Variants in PLEKHH1 observed in about 807,000 individuals in gnomAD.
The protein encoded by PLEKHH1 is pleckstrin homology, MyTH4 and FERM domain containing H1, also known as pleckstrin homology domain-containing family H member 1.
Under a neutral mutation model 160.0 loss-of-function variants are expected in PLEKHH1, and 104 were observed. The observed-to-expected ratio is 0.65, with a 90% CI of 0.55 to 0.76. PLEKHH1 has a LOEUF of 0.76. PLEKHH1 is among the 30% of genes least tolerant of loss of function. The probability of loss-of-function intolerance (pLI) is 0.00; values close to 1 mark genes in which losing one functional copy is unlikely to be tolerated. For missense variants in PLEKHH1, 1,427 were observed against 1,724.1 expected, an observed-to-expected ratio of 0.83 and a Z score of 3.05; for synonymous variants, 619 against 678.4, an observed-to-expected ratio of 0.91 and a Z score of 1.36.
Position 67,575,468 on chromosome 14 carries a change from AC to A in PLEKHH1, c.2166del (p.Asp722GlufsTer15). The A allele has an allele frequency of 6.3e-7, 1 of 1,595,566 alleles. No individual in the cohort carries two copies. Among genetic ancestry groups the A allele is most frequent in the East Asian group, 2.2e-5 (1 of 44,588 alleles). On this transcript the variant is annotated frameshift_variant, in exon 15 of 29. Transcript: ENST00000329153. LOFTEE classifies it high-confidence loss of function. ...TTCTACTACTATCGGAGCCATGAGG[AC>A]AAGGTACTTCTCAGCCTCCTCACAA... is the stretch of plus-strand genomic sequence containing the variant. ...KIFYYYRSHEDKRPLGCLPVR... is the reference protein window; with the variant it reads ...KIFYYYRSHEXKRPLGCLPVR...
Position 67,562,518 on chromosome 14 carries a change from G to A in PLEKHH1, c.887G>A (p.Gly296Glu). The change falls in exon 7 of 29, where the codon GGG becomes GAG. Residue 296 changes from glycine to glutamate, a missense_variant. Physicochemically the swap from Gly to Glu is moderately conservative, Grantham distance 98. Coordinates refer to ENST00000329153, the MANE Select transcript of PLEKHH1 (RefSeq NM_020715.3). ...ACTGCTCAGAGAGGGATGCTCCCTGGGACAAAGACCTCTGCCAGGGAAGGT... is the reference window on the plus strand; with the variant it reads ...ACTGCTCAGAGAGGGATGCTCCCTGAGACAAAGACCTCTGCCAGGGAAGGT... Reference protein sequence around the residue: ...LVTAQRGMLPGTKTSAREGGP... With the variant: ...LVTAQRGMLPETKTSAREGGP... 1 of 1,610,680 alleles carries A rather than the reference G, an allele frequency of 6.2e-7. No individual in the cohort carries two copies. The highest frequency in any genetic ancestry group is 8.5e-7 in the Non-Finnish European group (1 of 1,177,252).
chr14:67,555,252 C>T (rs796245548), intron 2 of PLEKHH1, among the ~76,000 whole-genome samples: 30 of 152,312 alleles, frequency 2.0e-4, no homozygotes, highest in African/African-American at 7.2e-4. Context: ...TATCTTGAGC[C>T]TCTCTTTCTC....
At chr14:67,577,587 G>C (rs2035679090) in intron 18 of PLEKHH1, among the ~76,000 whole-genome samples, 173 bp downstream of exon 18, 1 of 152,190 alleles carries the variant, frequency 6.6e-6, no homozygotes, top group East Asian at 1.9e-4. Context: ...CACTGGGAGG[G>C]AAGCAGCTCT....
chr14:67,551,916 A>T (rs1425345743), intron 2 of PLEKHH1, among the ~76,000 whole-genome samples: 1 of 152,056 alleles, frequency 6.6e-6, no homozygotes, highest in East Asian at 1.9e-4. Flanking sequence ...CAAAGGGATC[A>T]TTGAGACCCG....
At position 67,589,226 on chromosome 14, in the gene PLEKHH1, C is replaced by G; in HGVS notation, c.*1991C>G. The stretch of plus-strand genomic sequence containing the variant: ...CACTGAATTTGGGGTCAATCTATTT[C>G]CCCCACCCTCTCTCCTCCCCAACCC... On this transcript the variant is annotated 3_prime_UTR_variant, in exon 29 of 29. Transcript: ENST00000329153. 2.4e-6 allele frequency: 1 copy of G among 412,100 alleles called. No homozygotes were observed. The allele number at this position is 412,100 out of a possible 1,614,324, so 25.5% of individuals were successfully genotyped here.
At chr14:67,562,977 A>G in intron 7 of PLEKHH1, 83 bp downstream of exon 7, 1 of 1,395,974 alleles carries the variant, frequency 7.2e-7, no homozygotes, top group Admixed American at 2.4e-5. Context: ...TGCACTGAGC[A>G]GGAGAGGAGG....
rs10635755 is a variant in PLEKHH1 at position 67,579,123 on chromosome 14, C to CTTCT, written c.2850-11_2850-10insTTCT. The CTTCT allele has an allele frequency of 0.8, 1,270,627 of 1,588,830 alleles. 510,725 individuals carry two copies. Among genetic ancestry groups the CTTCT allele is most frequent in the Admixed American group, 0.85 (49,800 of 58,364 alleles). ...CAGAGCCCATAATACTCCCCTCTTC[C>CTTCT]GTCTTTTTAGAAGTGAAACTGGCCA... is the stretch of plus-strand genomic sequence containing the variant. On this transcript the variant is annotated splice_polypyrimidine_tract_variant and intron_variant, in intron 20 of 28. Transcript: ENST00000329153.
chr14:67,572,007 C>T, intron 10 of PLEKHH1, 105 bp downstream of exon 10: 1 of 1,480,224 alleles, frequency 6.8e-7, no homozygotes. Context: ...AGCTCGTGAC[C>T]CCCCAGCAGC....
chr14:67,564,497 G>A (rs905467749), intron 7 of PLEKHH1, among the ~76,000 whole-genome samples: 5 of 151,908 alleles, frequency 3.3e-5, no homozygotes, highest in African/African-American at 1.2e-4. Context: ...TTACTCTGTC[G>A]CCCAGGCTGG....
intron 2 of PLEKHH1, among the ~76,000 whole-genome samples, chr14:67,545,932 A>G (rs957765789): frequency 6.6e-6 from 1 of 151,808 alleles, no homozygotes; most frequent in Non-Finnish European, 1.5e-5. Context: ...CAATTGAACA[A>G]AAGCTCTGCT....
chr14:67,559,479 C>A, intron 4 of PLEKHH1, 129 bp from the exon 5 acceptor site: 1 of 628,372 alleles, frequency 1.6e-6, no homozygotes, highest in Non-Finnish European at 2.9e-6. Context: ...TTTCAACAAA[C>A]GATTTCTGCT....
intron 4 of PLEKHH1, among the ~76,000 whole-genome samples, chr14:67,559,012 T>C (rs2034710268): frequency 1.3e-5 from 2 of 152,250 alleles, no homozygotes; most frequent in South Asian, 4.1e-4. Flanking sequence ...CACCTTAAAC[T>C]AGATGACCTT....
At position 67,574,516 on chromosome 14, in the gene PLEKHH1, G is replaced by A; in HGVS notation, c.2088+113G>A. On this transcript the variant is annotated intron_variant, in intron 14 of 28. Coordinates refer to ENST00000329153, the MANE Select transcript of PLEKHH1 (RefSeq NM_020715.3). This position sits in a 1 kb window ranked among gnomAD's most constrained non-coding sequence, Gnocchi z 4.2. The stretch of plus-strand genomic sequence containing the variant: ...CCTTATACGGGGCTCCTTTCTCTGG[G>A]AGCCTCCTCACAGTGACTCGCTGGC... 1.2e-6 allele frequency: 1 copy of A among 847,358 alleles called. No homozygotes were observed. 52.5% of individuals were successfully genotyped at this position (847,358 alleles called of 1,614,324 possible). A position where few individuals can be genotyped will look rare whatever the true frequency, so the allele number is the denominator to read the frequency against.
intron 2 of PLEKHH1, among the ~76,000 whole-genome samples, chr14:67,554,184 A>G (rs1474968627): frequency 6.6e-6 from 1 of 152,166 alleles, no homozygotes; most frequent in Non-Finnish European, 1.5e-5. Context: ...CCAAATATGA[A>G]CTACTGCTTC....
intron 1 of PLEKHH1, among the ~76,000 whole-genome samples, chr14:67,533,996 G>A (rs925547758): frequency 1.3e-5 from 2 of 152,014 alleles, no homozygotes; most frequent in Non-Finnish European, 2.9e-5. Context: ...CTCTCCTTGT[G>A]GGATTTCTGC....
chr14:67,550,436 G>A (rs889215254), intron 2 of PLEKHH1, among the ~76,000 whole-genome samples: 5 of 152,170 alleles, frequency 3.3e-5, no homozygotes, highest in South Asian at 2.1e-4. Context: ...TGATCCATCC[G>A]CCTCGGCCTC....
chr14:67,586,412 T>C, intron 28 of PLEKHH1: 1 of 1,338,212 alleles, frequency 7.5e-7, no homozygotes, highest in Non-Finnish European at 9.8e-7. Context: ...CGTGCTCTTC[T>C]CTTCCTTGCA....
At chr14:67,586,219 C>T (rs1181946273) in intron 28 of PLEKHH1, 122 bp downstream of exon 28, 1 of 1,252,458 alleles carries the variant, frequency 8.0e-7, no homozygotes, top group African/African-American at 1.5e-5. Flanking sequence ...AATTGTTGGT[C>T]TTGTCTGTAA....
Position 67,585,627 on chromosome 14 carries a change from C to A in PLEKHH1, c.3759C>A (p.Gly1253=). The A allele has an allele frequency of 1.9e-6, 3 of 1,577,442 alleles. No homozygotes were observed. The highest frequency in any genetic ancestry group is 1.7e-6 in the Non-Finnish European group (2 of 1,159,886). ...TGTGGATTGCTGTGAATGAGGATGG[C>A]GTCAGCATCCTGGACCACAACACTA... is the stretch of plus-strand genomic sequence containing the variant. The part of the protein sequence containing the change: ...ALVWIAVNED[G]VSILDHNTMQ... The change falls in exon 27 of 29, where the codon GGC becomes GGA. Residue 1253 remains glycine (G), a synonymous_variant. Transcript: ENST00000329153.
Sources: allele counts gnomAD v4.1 joint callset (sites outside exome capture counted in the v4.1 genomes callset), GRCh38; gene constraint gnomAD v4.1.1; non-coding constraint Gnocchi (gnomAD v3.1); transcripts MANE v1.5; gene names NCBI Gene and HGNC (gene_info 2026-07-23, HGNC 2026-07-21).